The following PRPF3 variants were observed in gnomAD, a reference collection of about 807,000 sequenced individuals.
PRPF3 encodes U4/U6 small nuclear ribonucleoprotein Prp3.
In PRPF3, 3 loss-of-function variants were observed where a neutral mutation model predicts 89.2. That is an observed-to-expected ratio of 0.03 (90% CI 0.02 to 0.09). The LOEUF (loss-of-function observed/expected upper bound fraction) is 0.09. PRPF3 is among the 10% of genes least tolerant of loss of function. The probability of loss-of-function intolerance (pLI) is 1.00; values close to 1 mark genes in which losing one functional copy is unlikely to be tolerated. For synonymous variants in PRPF3, 270 were observed against 289.1 expected (o/e 0.93, Z 0.67); for missense variants, 463 against 828.8 (o/e 0.56, Z 5.42).
intron 10 of PRPF3, among the ~76,000 whole-genome samples, chr1:150,343,735 ATT>A (rs782233186): frequency 1.8e-4 from 28 of 152,198 alleles, no homozygotes; most frequent in Non-Finnish European, 3.7e-4. Flanking sequence ...TAGTTGCAGT[ATT>A]TGCGTAGACT....
At chr1:150,340,291 C>T (rs1560107343) in intron 8 of PRPF3, 107 bp from the exon 9 acceptor site, 5 of 788,400 alleles carry the variant, frequency 6.3e-6, no homozygotes, top group Admixed American at 5.9e-5. Context: ...ATATCAAGCA[C>T]AAGAACCCAT....
intron 14 of PRPF3, chr1:150,348,716 G>A: frequency 4.9e-6 from 1 of 202,372 alleles, no homozygotes; most frequent in South Asian, 8.2e-5. Context: ...ACTCACCTCA[G>A]CCTCCCAAAG....
chr1:150,340,627 C>G, intron 9 of PRPF3, 150 bp downstream of exon 9: 2 of 708,448 alleles, frequency 2.8e-6, no homozygotes, highest in Admixed American at 4.4e-5. Context: ...TTTTTCCTGA[C>G]AATAGTTTGT....
intron 15 of PRPF3, among the ~76,000 whole-genome samples, chr1:150,349,812 GAACCAGTATTAA>G (rs1658712104): frequency 7.0e-6 from 1 of 143,332 alleles, no homozygotes; most frequent in East Asian, 2.1e-4. Context: ...CCTTCTTAGA[GAACCAGTATTAA>G]AACCAGTATT....
chr1:150,333,307 C>T lies in PRPF3; in HGVS notation c.728+108C>T, dbSNP rs113684036. 1.4e-4 allele frequency: 178 copies of T among 1,259,632 alleles called. No individual in the cohort carries two copies. In the African/African-American group the frequency reaches 1.5e-3, roughly 11 times the overall value. The allele number at this position is 1,259,632 out of a possible 1,614,324, so 78.0% of individuals were successfully genotyped here. ...GGGCGCAGTGCCTCAGGCCTGTAAT[C>T]GTAGCACTTTGGGAGGCTGAGGTAG... On this transcript the variant is annotated intron_variant, in intron 6 of 15. Transcript: ENST00000324862.
intron 9 of PRPF3, among the ~76,000 whole-genome samples, chr1:150,341,105 C>CAAAAAAAAAAAAAA (rs71086503): frequency 3.5e-5 from 3 of 86,736 alleles, no homozygotes; most frequent in African/African-American, 8.6e-5. Flanking sequence ...GACCTTGTCT[C>CAAAAAAAAAAAAAA]AAAAAAAAAA....
intron 6 of PRPF3, among the ~76,000 whole-genome samples, chr1:150,333,590 C>T (rs1298167691): frequency 6.6e-6 from 1 of 152,064 alleles, no homozygotes; most frequent in African/African-American, 2.4e-5. Flanking sequence ...ATTACTGATC[C>T]TCTTTTTCCA....
intron 9 of PRPF3, among the ~76,000 whole-genome samples, chr1:150,342,618 A>T (rs587733281): frequency 6.6e-6 from 1 of 151,878 alleles, no homozygotes; most frequent in East Asian, 2.0e-4. Context: ...CACCTCCCGG[A>T]TTCAAGTGAT....
intron 14 of PRPF3, among the ~76,000 whole-genome samples, chr1:150,347,051 C>T (rs1271666588): frequency 6.6e-6 from 1 of 151,830 alleles, no homozygotes; most frequent in Non-Finnish European, 1.5e-5. Context: ...GTGATCGTGC[C>T]ACTGCAATCC....
intron 1 of PRPF3, 95 bp from the exon 2 acceptor site, chr1:150,324,800 G>T: frequency 1.0e-6 from 1 of 968,414 alleles, no homozygotes; most frequent in Non-Finnish European, 1.5e-6. Context: ...ATCCACCTTG[G>T]CCTCCCAAAG....
intron 14 of PRPF3, among the ~76,000 whole-genome samples, chr1:150,348,460 A>ATTTTTTTCTTTTTTTTTTTTTT (rs1658533637): frequency 2.1e-5 from 1 of 48,464 alleles, no homozygotes; most frequent in African/African-American, 8.9e-5. Context: ...CTACACGTGC[A>ATTTTTTTCTTTTTTTTTTTTTT]TTTTTTTTTT....
At chr1:150,347,836 C>T (rs1324013355) in intron 14 of PRPF3, among the ~76,000 whole-genome samples, 1 of 152,134 alleles carries the variant, frequency 6.6e-6, no homozygotes, top group Non-Finnish European at 1.5e-5. Flanking sequence ...TGGGCAAAAT[C>T]ATCTAACACA....
intron 12 of PRPF3, 152 bp downstream of exon 12, chr1:150,344,699 T>C: frequency 2.4e-6 from 2 of 849,414 alleles, no homozygotes; most frequent in South Asian, 3.1e-5. Context: ...CTAGTAAATC[T>C]TGTAAAATAG....
chr1:150,351,385 A>G (rs1658909264), intron 15 of PRPF3, among the ~76,000 whole-genome samples: 1 of 152,190 alleles, frequency 6.6e-6, no homozygotes. Context: ...AAAGGTTTTC[A>G]TGTATCCTGC....
rs138240814 is a variant in PRPF3 at position 150,335,091 on chromosome 1, A to G, written c.885A>G (p.Gln295=). ...CTGTGAAGAGGGAACAATTCAAGCA[A>G]CAACTAAAGGAAAAGCCATCAGAAG... ...IRAVKREQFK[Q]QLKEKPSEDM... The change falls in exon 7 of 16, where the codon CAA becomes CAG. Residue 295 remains glutamine, a synonymous_variant. Coordinates refer to ENST00000324862, the MANE Select transcript of PRPF3 (RefSeq NM_004698.4). 189 of 1,614,036 alleles carry G rather than the reference A, an allele frequency of 1.2e-4. No individual in the cohort carries two copies. Among genetic ancestry groups the G allele is most frequent in the Non-Finnish European group, 1.5e-4 (173 of 1,180,036 alleles).
chr1:150,338,032 C>G, intron 7 of PRPF3, 128 bp from the exon 8 acceptor site: 6 of 917,880 alleles, frequency 6.5e-6, no homozygotes, highest in Non-Finnish European at 1.0e-5. Context: ...CAAGACCATG[C>G]CATTGCACTC....
At chr1:150,338,475 G>A in intron 8 of PRPF3, 149 bp downstream of exon 8, 1 of 669,968 alleles carries the variant, frequency 1.5e-6, no homozygotes, top group Non-Finnish European at 2.5e-6. Flanking sequence ...AGAGAGATAA[G>A]TAACTGTACA....
chr1:150,336,582 C>A (rs1657024484), intron 7 of PRPF3, among the ~76,000 whole-genome samples: 2 of 151,938 alleles, frequency 1.3e-5, no homozygotes, highest in Admixed American at 6.6e-5. Context: ...ATGGTGAAAC[C>A]CCGTCTCTAC....
intron 14 of PRPF3, among the ~76,000 whole-genome samples, chr1:150,348,460 A>ATTTTTTTTTTTTTGTTTTTTTTTTTTT (rs1658535178): frequency 2.1e-5 from 1 of 48,464 alleles, no homozygotes; most frequent in Non-Finnish European, 3.5e-5. Context: ...CTACACGTGC[A>ATTTTTTTTTTTTTGTTTTTTTTTTTTT]TTTTTTTTTT....
Sources: gnomAD v4.1 joint callset for allele counts (sites outside exome capture counted in the v4.1 genomes callset) on GRCh38, gnomAD v4.1.1 for gene constraint, MANE v1.5 for transcripts, NCBI Gene and HGNC (gene_info 2026-07-23, HGNC 2026-07-21) for gene names.